TACR3: variants seen among roughly 807,000 people sequenced by gnomAD.
TACR3 encodes the protein neuromedin-K receptor.
A neutral mutation model predicts 35.0 loss-of-function variants in TACR3; 34 were observed. The ratio of observed to expected loss-of-function variants is 0.97; its 90% CI spans 0.74 to 1.30. TACR3 has a LOEUF of 1.30. Among genes scored for constraint, TACR3 ranks in the 50% most tolerant of loss-of-function variants. The pLI, the probability that TACR3 is intolerant of heterozygous loss-of-function variation, is 0.00. For synonymous variants in TACR3, 233 were observed against 221.1 expected (o/e 1.05, Z -0.48); for missense variants, 558 against 591.7 (o/e 0.94, Z 0.59).
intron 3 of TACR3, among the ~76,000 whole-genome samples, chr4:103,635,463 C>G (rs189305043): frequency 6.6e-6 from 1 of 152,068 alleles, no homozygotes; most frequent in Non-Finnish European, 1.5e-5. Flanking sequence ...ACATAACTTG[C>G]AGACAACTCA....
At chr4:103,653,490 G>A (rs1725667030) in intron 3 of TACR3, among the ~76,000 whole-genome samples, 1 of 151,686 alleles carries the variant, frequency 6.6e-6, no homozygotes, top group Non-Finnish European at 1.5e-5. Context: ...ACAGTGAAAT[G>A]TTTAAAAAAA....
chr4:103,623,781 T>C (rs570282096), intron 3 of TACR3, among the ~76,000 whole-genome samples: 57 of 152,274 alleles, frequency 3.7e-4, no homozygotes, highest in African/African-American at 1.3e-3. Flanking sequence ...GCATAGTCCT[T>C]CTTGCAAAAA....
At position 103,719,440 on chromosome 4, in the gene TACR3, A is replaced by G; in HGVS notation, c.236T>C (p.Val79Ala). Residue 79 changes from valine to alanine, a missense_variant, in exon 1 of 5, where the codon GTG becomes GCG. By Grantham distance (64) the Val-to-Ala change is moderately conservative. Transcript: ENST00000304883. The part of the protein sequence containing the change: ...QPWANLTNQF[V>A]QPSWRIALWS... ...GAGCGCGATGCGCCAGGACGGCTGC[A>G]CGAACTGGTTGGTGAGGTTGGCCCA... The G allele has an allele frequency of 6.2e-7, 1 of 1,614,258 alleles. No individual in the cohort carries two copies. The highest frequency in any genetic ancestry group is 2.2e-5 in the East Asian group (1 of 44,882).
At chr4:103,647,887 T>C (rs969618369) in intron 3 of TACR3, among the ~76,000 whole-genome samples, 5 of 152,018 alleles carry the variant, frequency 3.3e-5, no homozygotes, top group African/African-American at 9.7e-5. Context: ...TCCAAAATTA[T>C]CTAAAAGTTT....
chr4:103,609,428 A>C (rs1352401739), intron 3 of TACR3, among the ~76,000 whole-genome samples: 1 of 152,096 alleles, frequency 6.6e-6, no homozygotes, highest in Non-Finnish European at 1.5e-5. Flanking sequence ...ATAACTCAAA[A>C]AGGAGCAACA....
At chr4:103,641,934 T>C (rs1271919691) in intron 3 of TACR3, among the ~76,000 whole-genome samples, 1 of 151,660 alleles carries the variant, frequency 6.6e-6, no homozygotes, top group Non-Finnish European at 1.5e-5. Context: ...GTCAAACTAA[T>C]AGAAGTAGAG....
rs757567832 is a variant in TACR3, at chr4:103,591,614, T to C, written c.958A>G (p.Ile320Val). The change falls in exon 4 of 5, where the codon ATT becomes GTT. Residue 320 changes from isoleucine (I) to valine (V), a missense_variant. By Grantham distance (29) the Ile-to-Val change is conservative. Coordinates refer to ENST00000304883, the MANE Select transcript of TACR3 (RefSeq NM_001059.3). ...ICWLPYHIYF[I>V]LTAIYQQLNR... ...AGTTGTTGATAGATTGCAGTGAGAA[T>C]GAAGTAAATATGATAGGGCAGCCAG... The C allele has an allele frequency of 6.2e-7, 1 of 1,613,766 alleles. No homozygotes were observed. The highest frequency in any genetic ancestry group is 8.5e-7 in the Non-Finnish European group (1 of 1,179,826).
intron 3 of TACR3, among the ~76,000 whole-genome samples, chr4:103,633,432 T>C (rs1014437967): frequency 1.3e-5 from 2 of 152,114 alleles, no homozygotes; most frequent in African/African-American, 2.4e-5. Flanking sequence ...TATTTTTCCA[T>C]AAGTTATTGG....
At chr4:103,698,032 A>G (rs980959642) in intron 1 of TACR3, among the ~76,000 whole-genome samples, 1 of 152,164 alleles carries the variant, frequency 6.6e-6, no homozygotes, top group African/African-American at 2.4e-5. Context: ...TTATACTACT[A>G]TTGTTTGATT....
intron 3 of TACR3, among the ~76,000 whole-genome samples, chr4:103,627,625 A>G (rs1471617862): frequency 7.2e-5 from 11 of 152,158 alleles, no homozygotes; most frequent in Admixed American, 7.2e-4. Flanking sequence ...CCAATACAGG[A>G]GCACCCAGAT....
chr4:103,637,617 G>C (rs1215565610), intron 3 of TACR3, among the ~76,000 whole-genome samples: 3 of 152,064 alleles, frequency 2.0e-5, no homozygotes, highest in Admixed American at 6.6e-5. Context: ...GGAAATAAAG[G>C]GTATTCAGTT....
intron 1 of TACR3, among the ~76,000 whole-genome samples, chr4:103,708,285 G>A (rs1384111195): frequency 2.0e-5 from 3 of 152,020 alleles, no homozygotes; most frequent in African/African-American, 7.2e-5. Context: ...AAACAGCCAG[G>A]TACCACTCTG....
At chr4:103,683,463 G>A (rs1722146281) in intron 1 of TACR3, among the ~76,000 whole-genome samples, 1 of 11,352 alleles carries the variant, frequency 8.8e-5, no homozygotes. Context: ...GCACTAGAAA[G>A]ACTGACCAAA....
intron 1 of TACR3, among the ~76,000 whole-genome samples, chr4:103,704,498 T>G (rs1015903876): frequency 1.5e-4 from 23 of 152,218 alleles, no homozygotes; most frequent in African/African-American, 5.5e-4. Context: ...AAACTTACAG[T>G]CATGGCAGAA....
chr4:103,603,171 C>G (rs571000739), intron 3 of TACR3, among the ~76,000 whole-genome samples: 1 of 152,226 alleles, frequency 6.6e-6, no homozygotes, highest in African/African-American at 2.4e-5. Flanking sequence ...GAGCAAGACT[C>G]CATGGGCGTA....
In TACR3 at chr4:103,587,934, A is replaced by T. The variant is rs1339736827; in HGVS notation, c.*1748T>A. ...TCAGTATTTGATTTTAATTCTTTGA[A>T]GTTGTTGCATTCATTAAATGATTGA... On this transcript the variant is annotated 3_prime_UTR_variant, in exon 5 of 5. Coordinates refer to ENST00000304883, the MANE Select transcript of TACR3 (RefSeq NM_001059.3). The T allele has an allele frequency of 2.0e-5, 3 of 151,898 alleles. No homozygotes were observed. The highest frequency in any genetic ancestry group is 7.3e-5 in the African/African-American group (3 of 41,356). The allele number at this position is 151,898 out of a possible 1,614,324, so 9.4% of individuals were successfully genotyped here.
chr4:103,662,217 G>GGTTTTTTT lies in TACR3; in HGVS notation c.549-3815_549-3814insAAAAAAAC, dbSNP rs1553972885. ...TGTGAAAAACTCCTATGTTGATGGT[G>GGTTTTTTT]TTTTTTTTTTTTTTTTTTTTGAGAC... On this transcript the variant is annotated intron_variant, in intron 1 of 4. Coordinates refer to ENST00000304883, the MANE Select transcript of TACR3 (RefSeq NM_001059.3). 7.0e-5 allele frequency among the ~76,000 whole-genome samples: 6 copies of GGTTTTTTT among 86,272 alleles called. 2 individuals carry two copies. The highest frequency in any genetic ancestry group is 1.0e-4 in the African/African-American group (2 of 19,538). The allele number at this position is 86,272 out of a possible 152,430, so 56.6% of individuals were successfully genotyped here.
At chr4:103,626,778 G>A (rs994790310) in intron 3 of TACR3, among the ~76,000 whole-genome samples, 3 of 151,924 alleles carry the variant, frequency 2.0e-5, no homozygotes, top group African/African-American at 4.8e-5. Flanking sequence ...AGTAATAAAT[G>A]CATGGTATAA....
intron 3 of TACR3, among the ~76,000 whole-genome samples, chr4:103,636,781 A>C (rs1725203256): frequency 6.6e-6 from 1 of 152,200 alleles, no homozygotes; most frequent in Admixed American, 6.5e-5. Flanking sequence ...ACAGAAATAT[A>C]AACTACCATC....
Sources: allele counts gnomAD v4.1 joint callset (sites outside exome capture counted in the v4.1 genomes callset), GRCh38; gene constraint gnomAD v4.1.1; transcripts MANE v1.5; gene names NCBI Gene and HGNC (gene_info 2026-07-23, HGNC 2026-07-21).